The following ANKS6 variants were observed in gnomAD, a reference collection of about 807,000 sequenced individuals.
The protein encoded by ANKS6 is ankyrin repeat and sterile alpha motif domain containing 6.
Under a neutral mutation model 77.9 loss-of-function variants are expected in ANKS6, and 47 were observed. The ratio of observed to expected loss-of-function variants is 0.60; its 90% CI spans 0.48 to 0.77. ANKS6 has a LOEUF of 0.77. Among genes scored for constraint, ANKS6 ranks in the 30% least tolerant of loss-of-function variants. The pLI, the probability that ANKS6 is intolerant of heterozygous loss-of-function variation, is 0.00. For missense variants in ANKS6, 1,150 were observed against 1,159.1 expected (o/e 0.99, Z 0.11); for synonymous variants, 488 against 501.7 (o/e 0.97, Z 0.37).
At position 98,777,449 on chromosome 9, in the gene ANKS6, C is replaced by T. The variant is rs773549550; in HGVS notation, c.1573G>A (p.Gly525Arg). 3 of 1,614,224 alleles carry T rather than the reference C, an allele frequency of 1.9e-6. No homozygotes were observed. The highest frequency in any genetic ancestry group is 2.5e-6 in the Non-Finnish European group (3 of 1,180,042). The stretch of plus-strand genomic sequence containing the variant: ...TCTTCCTTTTCTCCTCTTGTGCTCC[C>T]AGGACCTGAGAGACAAATGGAAATT... ...AAPVTKDNGP[G>R]STRGEKEDTL... The change falls in exon 8 of 15, where the codon GGG becomes AGG. Residue 525 changes from glycine (G) to arginine (R), a missense_variant. By Grantham distance (125) the Gly-to-Arg change is moderately radical (BLOSUM62 -2). Transcript: ENST00000353234.
intron 11 of ANKS6, among the ~76,000 whole-genome samples, chr9:98,764,411 C>T (rs962922479): frequency 1.3e-5 from 2 of 152,124 alleles, no homozygotes; most frequent in Non-Finnish European, 2.9e-5. Context: ...AAATTCTCAA[C>T]CATTATTTCT....
chr9:98,777,911 C>A (rs1419564456), intron 7 of ANKS6, among the ~76,000 whole-genome samples: 1 of 152,190 alleles, frequency 6.6e-6, no homozygotes. Flanking sequence ...GTGTCATAGA[C>A]CAATCACATT....
chr9:98,758,192 G>A (rs1434086053), intron 11 of ANKS6, among the ~76,000 whole-genome samples: 1 of 151,990 alleles, frequency 6.6e-6, no homozygotes, highest in East Asian at 1.9e-4. Flanking sequence ...TATCAGTACA[G>A]GCTCATGGGT....
rs1300854819 is a variant in ANKS6, at chr9:98,796,283, G to C, written c.209C>G (p.Pro70Arg). ...AAAGAVGAPV[P>R]VDCSDEAGNT... ...GCCCGCCTCGTCCGAGCAATCCACG[G>C]GCACCGGAGCCCCGACTGCCCCCGC... The change falls in exon 1 of 15, where the codon CCC becomes CGC. Residue 70 changes from proline (P) to arginine (R), a missense_variant. Pro to Arg is a moderately radical substitution (Grantham distance 103). Coordinates refer to ENST00000353234, the MANE Select transcript of ANKS6 (RefSeq NM_173551.5). 1.9e-5 allele frequency: 25 copies of C among 1,315,700 alleles called. No homozygotes were observed. The Admixed American group carries it at 7.7e-4, about 41-fold the overall frequency. 81.5% of individuals were successfully genotyped at this position (1,315,700 alleles called of 1,614,324 possible).
chr9:98,766,815 A>G (rs2118001937), intron 11 of ANKS6, among the ~76,000 whole-genome samples: 1 of 152,268 alleles, frequency 6.6e-6, no homozygotes, highest in Admixed American at 6.5e-5. Flanking sequence ...AAATCTCTGG[A>G]GGCGCTTCTT....
chr9:98,740,251 C>G (rs117852657), intron 14 of ANKS6, among the ~76,000 whole-genome samples: 7 of 152,156 alleles, frequency 4.6e-5, no homozygotes, highest in Admixed American at 4.6e-4. Flanking sequence ...CTCCTAGACT[C>G]GAGAGGACAG....
Position 98,736,496 on chromosome 9 carries a change from G to A in ANKS6, c.*23C>T, listed in dbSNP as rs1470767163. ...GGGTCCCGGGATTCAGAGAGCTCAC[G>A]CTGGTGGCTGCGGGAAGGAGGATCA... is the stretch of plus-strand genomic sequence containing the variant. On this transcript the variant is annotated 3_prime_UTR_variant, in exon 15 of 15. Transcript: ENST00000353234. 22 of 1,593,604 alleles carry A rather than the reference G, an allele frequency of 1.4e-5. No homozygotes were observed. Among genetic ancestry groups the A allele is most frequent in the East Asian group, 4.5e-5 (2 of 44,394 alleles).
chr9:98,770,835 G>A, intron 10 of ANKS6, 61 bp downstream of exon 10: 1 of 1,314,198 alleles, frequency 7.6e-7, no homozygotes, highest in Non-Finnish European at 9.8e-7. Flanking sequence ...TCCAGGCAGT[G>A]CACACCCTCA....
chr9:98,768,284 C>T, intron 10 of ANKS6, 34 bp from the exon 11 acceptor site: 1 of 1,611,718 alleles, frequency 6.2e-7, no homozygotes, highest in Non-Finnish European at 8.5e-7. Flanking sequence ...ACACCATGGG[C>T]ACAGAGGGCT....
At chr9:98,788,647 A>G (rs2118162539) in intron 2 of ANKS6, among the ~76,000 whole-genome samples, 1 of 152,320 alleles carries the variant, frequency 6.6e-6, no homozygotes, top group African/African-American at 2.4e-5. Flanking sequence ...CCTTCTGCTC[A>G]CCACCACCCC....
chr9:98,747,621 C>T (rs1364679288), intron 13 of ANKS6, among the ~76,000 whole-genome samples: 1 of 152,140 alleles, frequency 6.6e-6, no homozygotes, highest in Non-Finnish European at 1.5e-5. Context: ...AGTCTTTCCC[C>T]ACCATCCCAA....
In ANKS6 at chr9:98,736,130, T is replaced by A. The variant is rs967023925; in HGVS notation, c.*389A>T. Reference sequence around the variant, plus strand: ...AGAGGACGTGAGCAGGAGTGATGTGTGTCAGTTAAGAGCAAGGCAGGTAAG... The same window carrying A: ...AGAGGACGTGAGCAGGAGTGATGTGAGTCAGTTAAGAGCAAGGCAGGTAAG... On this transcript the variant is annotated 3_prime_UTR_variant, in exon 15 of 15. Transcript: ENST00000353234. 3 of 1,149,992 alleles carry A rather than the reference T, an allele frequency of 2.6e-6. No individual in the cohort carries two copies. Among genetic ancestry groups the A allele is most frequent in the Middle Eastern group, 7.0e-4 (2 of 2,840 alleles). The allele number at this position is 1,149,992 out of a possible 1,614,324, so 71.2% of individuals were successfully genotyped here.
At chr9:98,741,113 G>A (rs945385952) in intron 14 of ANKS6, among the ~76,000 whole-genome samples, 2 of 152,154 alleles carry the variant, frequency 1.3e-5, no homozygotes, top group Non-Finnish European at 2.9e-5. Context: ...GTCCATTGCA[G>A]CACCATTTAT....
rs989677830 is a variant in ANKS6, at chr9:98,782,486, C to T, written c.1200G>A (p.Val400=). 6 of 1,614,012 alleles carry T rather than the reference C, an allele frequency of 3.7e-6. No homozygotes were observed. The Admixed American group carries it at 5.0e-5, about 13-fold the overall frequency. ...ACCTACCGGGATCATTCAGCAGCAT[C>T]ACCAGGTCAAAGGCCGTGTATCCAT... ...AKNGYTAFDL[V]MLLNDPDTEL... The change falls in exon 5 of 15, where the codon GTG becomes GTA. Residue 400 remains valine, a synonymous_variant. Transcript: ENST00000353234.
At chr9:98,748,165 G>C (rs1832244112) in intron 13 of ANKS6, among the ~76,000 whole-genome samples, 1 of 152,230 alleles carries the variant, frequency 6.6e-6, no homozygotes, top group Non-Finnish European at 1.5e-5. Flanking sequence ...CAAGTACTTA[G>C]TATGCGTTTG....
Position 98,733,125 on chromosome 9 carries a change from G to A in ANKS6, c.*3394C>T, listed in dbSNP as rs1588301915. The stretch of plus-strand genomic sequence containing the variant: ...GTGGGGTTCCCTTGAGGGCAGAGAA[G>A]TCCTTTTTCATCTTTGGAGACAGAG... On this transcript the variant is annotated 3_prime_UTR_variant, in exon 15 of 15. Coordinates refer to ENST00000353234, the MANE Select transcript of ANKS6 (RefSeq NM_173551.5). 2.1e-6 allele frequency: 2 copies of A among 931,240 alleles called. No homozygotes were observed. Among genetic ancestry groups the A allele is most frequent in the Non-Finnish European group, 2.6e-6 (2 of 780,534 alleles). The allele number at this position is 931,240 out of a possible 1,614,324, so 57.7% of individuals were successfully genotyped here. A position where few individuals can be genotyped will look rare whatever the true frequency, so the allele number is the denominator to read the frequency against.
At chr9:98,789,810 A>G (rs1834785233) in intron 2 of ANKS6, 1 of 356,384 alleles carries the variant, frequency 2.8e-6, no homozygotes, top group Non-Finnish European at 5.0e-6. Context: ...CTTGTTGTAG[A>G]AGGGCCCCAG....
intron 12 of ANKS6, among the ~76,000 whole-genome samples, chr9:98,751,494 C>T (rs1158165190): frequency 2.0e-5 from 3 of 152,288 alleles, no homozygotes; most frequent in African/African-American, 2.4e-5. Context: ...CCAGCAAGTC[C>T]TTAGCTAGTG....
intron 8 of ANKS6, among the ~76,000 whole-genome samples, chr9:98,776,208 A>T (rs1833910066): frequency 6.6e-6 from 1 of 152,110 alleles, no homozygotes; most frequent in Non-Finnish European, 1.5e-5. Flanking sequence ...CCTGGGAGTG[A>T]TCTTGTTTAA....
Sources: gnomAD v4.1 joint callset for allele counts (sites outside exome capture counted in the v4.1 genomes callset) on GRCh38, gnomAD v4.1.1 for gene constraint, MANE v1.5 for transcripts, NCBI Gene and HGNC (gene_info 2026-07-23, HGNC 2026-07-21) for gene names.